Variants in DPH6 observed in about 807,000 individuals in gnomAD.
DPH6 encodes the protein diphthamine biosynthesis 6.
Under a neutral mutation model 38.2 loss-of-function variants are expected in DPH6, and 33 were observed. The ratio of observed to expected loss-of-function variants is 0.86; its 90% confidence interval spans 0.65 to 1.15. DPH6 has a LOEUF of 1.15. DPH6 is among the 50% of genes most tolerant of loss of function. The pLI is 0.00. For missense variants in DPH6, 325 were observed against 320.0 expected (o/e 1.02, Z -0.12); for synonymous variants, 108 against 103.0 (o/e 1.05, Z -0.30).
chr15:35,321,045 A>T (rs551380580), intron 3 of DPH6, among the ~76,000 whole-genome samples: 1 of 152,240 alleles, frequency 6.6e-6, no homozygotes, highest in Non-Finnish European at 1.5e-5. Flanking sequence ...CAACTGGGGA[A>T]GTCACAAATC....
chr15:35,203,689 TATTAAATTTATG>T, the DPH6 span, among the ~76,000 whole-genome samples: 3 of 151,806 alleles, frequency 2.0e-5, no homozygotes, highest in Admixed American at 6.6e-5. Context: ...GTATTTTAGC[TATTAAATTTATG>T]ATTAAATTTA....
intron 3 of DPH6, among the ~76,000 whole-genome samples, chr15:35,322,110 G>A (rs1387753293): frequency 6.6e-6 from 1 of 152,072 alleles, no homozygotes; most frequent in Non-Finnish European, 1.5e-5. Flanking sequence ...GTCCACGTGG[G>A]CTCAGACTGA....
rs574398939 is a variant in DPH6, at chr15:35,363,594, A to G, written n.207+9927T>C. Among the ~76,000 whole-genome samples the G allele has an allele frequency of 2.6e-5, 4 of 152,184 alleles. No homozygotes were observed. The East Asian group carries it at 7.7e-4, about 29-fold the overall frequency. On this transcript the variant is annotated intron_variant and non_coding_transcript_variant, in intron 3 of 3. Coordinates refer to the DPH6 transcript ENST00000558973. ...AATATTTTTTGTCTTTAAGTGAAAC[A>G]GTGGTACAATTATATTTAATGTAAT...
At chr15:35,446,346 T>C (rs1031436642) in intron 5 of DPH6, among the ~76,000 whole-genome samples, 6 of 149,472 alleles carry the variant, frequency 4.0e-5, no homozygotes, top group African/African-American at 1.5e-4. Flanking sequence ...TTTTCCCGCC[T>C]CAGCCTCCCA....
intron 7 of DPH6, 111 bp downstream of exon 7, chr15:35,381,711 T>C: frequency 1.3e-6 from 1 of 785,742 alleles, no homozygotes; most frequent in Non-Finnish European, 2.2e-6. Context: ...TTTGTGAACT[T>C]AGAAGACATG....
intron 3 of DPH6, among the ~76,000 whole-genome samples, chr15:35,315,114 T>A (rs2052177534): frequency 2.0e-5 from 3 of 152,174 alleles, no homozygotes; most frequent in Middle Eastern, 3.2e-3. Context: ...AGGGCCCAGT[T>A]CTTCACGACA....
At chr15:35,152,562 C>T in the DPH6 span, among the ~76,000 whole-genome samples, 3 of 152,122 alleles carry the variant, frequency 2.0e-5, no homozygotes, top group Non-Finnish European at 2.9e-5. Context: ...TGCAATAGTG[C>T]GATCTCCGTT....
chr15:35,456,197 A>C (rs1292098059), intron 3 of DPH6, among the ~76,000 whole-genome samples: 1 of 152,056 alleles, frequency 6.6e-6, no homozygotes, highest in Non-Finnish European at 1.5e-5. Flanking sequence ...GTTTTCATGA[A>C]AGTCTTTGTA....
At chr15:35,414,221 G>A (rs1378187213) in intron 5 of DPH6, among the ~76,000 whole-genome samples, 2 of 151,622 alleles carry the variant, frequency 1.3e-5, no homozygotes, top group African/African-American at 4.8e-5. Context: ...TGATCTGTGA[G>A]TGGTATACTC....
intron 3 of DPH6, among the ~76,000 whole-genome samples, chr15:35,254,704 C>A (rs1457301112): frequency 6.6e-6 from 1 of 152,114 alleles, no homozygotes; most frequent in Non-Finnish European, 1.5e-5. Context: ...ACCAAACAGG[C>A]TTCGTGTGAG....
In DPH6 at chr15:35,436,514, C is replaced by CAAACAAA. The variant is rs1345703900; in HGVS notation, c.505+14170_505+14171insTTTGTTT. Reference sequence around the variant, plus strand: ...CAAAACAAAACAAAACAAAACAAAACAAAAAAGGTTCTCTCCCTGTTCGTC... The same window carrying CAAACAAA: ...CAAAACAAAACAAAACAAAACAAAACAAACAAAAAAAAAGGTTCTCTCCCTGTTCGTC... On this transcript the variant is annotated intron_variant, in intron 5 of 8. Coordinates refer to ENST00000256538, the MANE Select transcript of DPH6 (RefSeq NM_080650.4). Among the ~76,000 whole-genome samples, 910 of 123,214 alleles carry CAAACAAA rather than the reference C, an allele frequency of 7.4e-3. 62 individuals carry two copies. Among genetic ancestry groups the CAAACAAA allele is most frequent in the Admixed American group, 7.8e-3 (97 of 12,510 alleles). The allele number at this position is 123,214 out of a possible 152,430, so 80.8% of individuals were successfully genotyped here. A position where few individuals can be genotyped will look rare whatever the true frequency, so the allele number is the denominator to read the frequency against.
chr15:35,162,089 TTTC>T, the DPH6 span, among the ~76,000 whole-genome samples: 1 of 151,920 alleles, frequency 6.6e-6, no homozygotes, highest in Admixed American at 6.6e-5. Flanking sequence ...ATCTTGATTA[TTTC>T]TTGCCACCTC....
At chr15:35,368,073 C>A (rs1389032014), downstream of DPH6, among the ~76,000 whole-genome samples, 1 of 151,758 alleles carries the variant, frequency 6.6e-6, no homozygotes, top group East Asian at 1.9e-4. Flanking sequence ...AAGAATAAGT[C>A]CTTAAACAAC....
intron 3 of DPH6, among the ~76,000 whole-genome samples, chr15:35,345,332 T>C (rs914801665): frequency 6.6e-6 from 1 of 152,012 alleles, no homozygotes; most frequent in South Asian, 2.1e-4. Context: ...GTTTTATTTC[T>C]TCCTTTCCCT....
At chr15:35,498,592 A>G (rs969011206) in intron 3 of DPH6, among the ~76,000 whole-genome samples, 6 of 152,150 alleles carry the variant, frequency 3.9e-5, no homozygotes, top group African/African-American at 1.4e-4. Flanking sequence ...AGAAGTGTAC[A>G]TGCGTCCTTG....
intron 3 of DPH6, among the ~76,000 whole-genome samples, chr15:35,496,590 A>ATC (rs2054562048): frequency 1.5e-5 from 2 of 130,750 alleles, no homozygotes; most frequent in African/African-American, 5.9e-5. Flanking sequence ...ATATATATAT[A>ATC]TCCTCTACCA....
chr15:35,146,920 A>T, the DPH6 span, among the ~76,000 whole-genome samples: 1 of 152,140 alleles, frequency 6.6e-6, no homozygotes, highest in Non-Finnish European at 1.5e-5. Flanking sequence ...GTCTTGGGAA[A>T]ATCGTAATTG....
intron 3 of DPH6, chr15:35,490,007 G>A (rs1345346555): frequency 1.0e-5 from 10 of 985,180 alleles, no homozygotes; most frequent in Non-Finnish European, 1.2e-5. Context: ...AACCCTTTAT[G>A]TAGAAGAGGC....
intron 2 of DPH6, among the ~76,000 whole-genome samples, chr15:35,541,622 G>C (rs2055254375): frequency 6.6e-6 from 1 of 151,942 alleles, no homozygotes; most frequent in Admixed American, 6.6e-5. Context: ...GTAAAAGAGA[G>C]AATAAAAAGA....
Sources: gnomAD v4.1 joint callset for allele counts (sites outside exome capture counted in the v4.1 genomes callset) on GRCh38, gnomAD v4.1.1 for gene constraint, MANE v1.5 for transcripts, NCBI Gene and HGNC (gene_info 2026-07-23, HGNC 2026-07-21) for gene names.